Variants in SKAP1 observed in about 807,000 individuals in gnomAD.
SKAP1 encodes src kinase associated phosphoprotein 1, also known as src kinase-associated phosphoprotein 1.
SKAP1 carries 44 observed loss-of-function variants against 58.5 expected under a neutral mutation model. The ratio of observed to expected loss-of-function variants is 0.75; its 90% CI spans 0.59 to 0.97. The LOEUF (loss-of-function observed/expected upper bound fraction) is 0.97, where lower values mean the gene tolerates loss of function less well. Ranked by LOEUF, SKAP1 falls within the 50% of genes least tolerant of loss-of-function variation. SKAP1 has a pLI of 0.00. For missense variants in SKAP1, 390 were observed against 435.2 expected (o/e 0.90, Z 0.92); for synonymous variants, 127 against 149.7 (o/e 0.85, Z 1.11).
At position 48,217,148 on chromosome 17, in the gene SKAP1, C is replaced by G. The variant is rs542779481; in HGVS notation, c.281-27648G>C. On this transcript the variant is annotated intron_variant, in intron 4 of 12. Coordinates refer to ENST00000336915, the MANE Select transcript of SKAP1 (RefSeq NM_003726.4). Reference sequence around the variant, plus strand: ...GTGGTATTGACTTCTTCATACTGATCTCATTTTTATTTTCTTTATAGTCTG... The same window carrying G: ...GTGGTATTGACTTCTTCATACTGATGTCATTTTTATTTTCTTTATAGTCTG... Among the ~76,000 whole-genome samples the G allele has an allele frequency of 2.6e-5, 4 of 152,238 alleles. No individual in the cohort carries two copies. The East Asian group carries it at 7.7e-4, about 29-fold the overall frequency.
At chr17:48,378,158 C>T (rs2067173746) in intron 2 of SKAP1, among the ~76,000 whole-genome samples, 2 of 152,136 alleles carry the variant, frequency 1.3e-5, no homozygotes, top group Admixed American at 1.3e-4. Context: ...AGGCCTCACC[C>T]ACATCCATGT....
At chr17:48,143,914 A>G (rs950215744) in intron 11 of SKAP1, among the ~76,000 whole-genome samples, 2 of 152,112 alleles carry the variant, frequency 1.3e-5, no homozygotes, top group African/African-American at 4.8e-5. Flanking sequence ...AAGCCTTGGG[A>G]AGGTGCTCTC....
At chr17:48,443,460 CTGTTTGTTTGTTTGTTTGTT>C in the SKAP1 span, among the ~76,000 whole-genome samples, 2 of 149,984 alleles carry the variant, frequency 1.3e-5, no homozygotes, top group African/African-American at 4.9e-5. Context: ...CAAGGTAAGT[CTGTTTGTTTGTTTGTTTGTT>C]TGTTTGTTTG....
intron 4 of SKAP1, among the ~76,000 whole-genome samples, chr17:48,312,539 G>T (rs1483792828): frequency 6.6e-6 from 1 of 152,168 alleles, no homozygotes; most frequent in African/African-American, 2.4e-5. Context: ...TAATACCAGG[G>T]TAAAGAAAAG....
intron 4 of SKAP1, among the ~76,000 whole-genome samples, chr17:48,340,424 A>G (rs543652464): frequency 6.6e-6 from 1 of 152,264 alleles, no homozygotes; most frequent in Non-Finnish European, 1.5e-5. Context: ...CAGTCCTCTC[A>G]GGAGAGAAAA....
At chr17:48,266,210 A>G (rs2065547397) in intron 4 of SKAP1, among the ~76,000 whole-genome samples, 1 of 152,144 alleles carries the variant, frequency 6.6e-6, no homozygotes, top group Non-Finnish European at 1.5e-5. Flanking sequence ...AAAATAATAG[A>G]TTTTATAAGC....
intron 4 of SKAP1, chr17:48,204,309 GC>G (rs2064766481): frequency 6.6e-6 from 1 of 151,156 alleles, no homozygotes; most frequent in Non-Finnish European, 1.5e-5. Context: ...CACCATGCTG[GC>G]CAGGCTGGTC....
chr17:48,336,420 G>T (rs1049352598), intron 4 of SKAP1, among the ~76,000 whole-genome samples: 7 of 152,104 alleles, frequency 4.6e-5, no homozygotes, highest in African/African-American at 1.7e-4. Flanking sequence ...TATGACAGGG[G>T]CAGAGTGAGG....
the SKAP1 span, among the ~76,000 whole-genome samples, chr17:48,437,122 T>C: frequency 6.6e-6 from 1 of 152,210 alleles, no homozygotes; most frequent in Non-Finnish European, 1.5e-5. Context: ...CTACTACTAC[T>C]TTCCCCTTTG....
chr17:48,305,192 C>G lies in SKAP1; in HGVS notation c.280+40713G>C, dbSNP rs1362695978. Among the ~76,000 whole-genome samples, 3 of 152,164 alleles carry G rather than the reference C, an allele frequency of 2.0e-5. No homozygotes were observed. In the East Asian group the frequency reaches 5.8e-4, roughly 29 times the overall value. ...GTTGTTGTTGTTATTTATTTGTTTA[C>G]TTTTAAAGAGACAGGGTCTCACTTT... On this transcript the variant is annotated intron_variant, in intron 4 of 12. Coordinates refer to ENST00000336915, the MANE Select transcript of SKAP1 (RefSeq NM_003726.4).
the SKAP1 span, among the ~76,000 whole-genome samples, chr17:48,437,108 C>T: frequency 6.6e-6 from 1 of 152,194 alleles, no homozygotes; most frequent in Non-Finnish European, 1.5e-5. Flanking sequence ...GTTTTATTCT[C>T]ACACTACTAC....
At chr17:48,327,883 T>C (rs918699796) in intron 4 of SKAP1, among the ~76,000 whole-genome samples, 1 of 152,178 alleles carries the variant, frequency 6.6e-6, no homozygotes, top group African/African-American at 2.4e-5. Flanking sequence ...CTGCCCGTCT[T>C]GGCCTCCCAA....
chr17:48,232,216 T>C (rs1199266329), intron 4 of SKAP1, among the ~76,000 whole-genome samples: 1 of 152,238 alleles, frequency 6.6e-6, no homozygotes, highest in African/African-American at 2.4e-5. Flanking sequence ...TCTGTGCAAA[T>C]GGGACTCAGG....
intron 10 of SKAP1, among the ~76,000 whole-genome samples, chr17:48,165,826 C>T (rs2143317218): frequency 6.6e-6 from 1 of 152,302 alleles, no homozygotes; most frequent in South Asian, 2.1e-4. Flanking sequence ...AGAAATGGTG[C>T]AGCATTCTGA....
At chr17:48,180,397 G>A (rs2064352732) in intron 8 of SKAP1, 149 bp from the exon 9 acceptor site, 2 of 643,204 alleles carry the variant, frequency 3.1e-6, no homozygotes, top group South Asian at 4.6e-5. Context: ...TTTCTAATGT[G>A]GGCTTTGGTG....
chr17:48,227,262 T>C (rs758117729), intron 4 of SKAP1, among the ~76,000 whole-genome samples: 6 of 152,236 alleles, frequency 3.9e-5, no homozygotes, highest in Admixed American at 6.5e-5. Flanking sequence ...CCCCTGTTTA[T>C]TCTTGTTCTG....
chr17:48,328,754 T>C (rs1346326160), intron 4 of SKAP1, among the ~76,000 whole-genome samples: 1 of 152,212 alleles, frequency 6.6e-6, no homozygotes, highest in Non-Finnish European at 1.5e-5. Flanking sequence ...ATAAATTTAT[T>C]TGAGGGCTCT....
intron 4 of SKAP1, among the ~76,000 whole-genome samples, chr17:48,252,174 AG>A (rs2065371469): frequency 6.6e-6 from 1 of 152,128 alleles, no homozygotes; most frequent in Non-Finnish European, 1.5e-5. Context: ...CAGCCCCCAA[AG>A]GGTTGGTATA....
chr17:48,167,548 G>A (rs927944490), intron 10 of SKAP1, among the ~76,000 whole-genome samples: 1 of 152,204 alleles, frequency 6.6e-6, no homozygotes, highest in African/African-American at 2.4e-5. Context: ...GGGCCTCAGA[G>A]ATGGAATGGT....
Sources: gnomAD v4.1 joint callset for allele counts (sites outside exome capture counted in the v4.1 genomes callset) on GRCh38, gnomAD v4.1.1 for gene constraint, MANE v1.5 for transcripts, NCBI Gene and HGNC (gene_info 2026-07-23, HGNC 2026-07-21) for gene names.